The following SECISBP2 variants were observed in gnomAD, a reference collection of about 807,000 sequenced individuals.
SECISBP2 encodes the protein SECIS binding protein 2, also known as selenocysteine insertion sequence-binding protein 2.
In SECISBP2, 96 loss-of-function variants were observed where a neutral mutation model predicts 98.2. The observed-to-expected ratio is 0.98, with a 90% CI of 0.83 to 1.16. The LOEUF (loss-of-function observed/expected upper bound fraction) is 1.16, where lower values mean the gene tolerates loss of function less well. SECISBP2 is among the 50% of genes most tolerant of loss of function. The pLI, the probability that SECISBP2 is intolerant of heterozygous loss-of-function variation, is 0.00. For missense variants in SECISBP2, 1,046 were observed against 1,022.9 expected, an observed-to-expected ratio of 1.02 and a Z score of -0.31; for synonymous variants, 407 against 370.2, an observed-to-expected ratio of 1.10 and a Z score of -1.14.
intron 15 of SECISBP2, 98 bp downstream of exon 15, chr9:89,357,663 C>A: frequency 1.4e-6 from 2 of 1,436,352 alleles, no homozygotes; most frequent in Non-Finnish European, 2.0e-6. Context: ...GCCCCAGAAC[C>A]TCCAGTAGGC....
intron 1 of SECISBP2, chr9:89,319,081 T>A (rs899644144): frequency 1.0e-6 from 1 of 996,672 alleles, no homozygotes; most frequent in Admixed American, 5.4e-5. Flanking sequence ...AATCTCTTAC[T>A]ACGTCACTAA....
At chr9:89,337,379 A>G (rs1430937384) in intron 7 of SECISBP2, among the ~76,000 whole-genome samples, 2 of 152,226 alleles carry the variant, frequency 1.3e-5, no homozygotes, top group Non-Finnish European at 2.9e-5. Flanking sequence ...TACAGAAATG[A>G]TAAGTGTAAC....
At chr9:89,359,860 C>T (rs968457248), downstream of SECISBP2, among the ~76,000 whole-genome samples, 6 of 152,184 alleles carry the variant, frequency 3.9e-5, no homozygotes, top group African/African-American at 1.4e-4. Context: ...GATCCTGGCT[C>T]AATCCCAACC....
rs1490191339 is a variant in SECISBP2, at chr9:89,349,948, G to C, written c.1892+19G>C. The C allele has an allele frequency of 6.2e-7, 1 of 1,613,902 alleles. No homozygotes were observed. On this transcript the variant is annotated intron_variant, in intron 13 of 16. Coordinates refer to ENST00000375807, the MANE Select transcript of SECISBP2 (RefSeq NM_024077.5). ...TCAGGGAGTGAGTGAGCCCCTGCCT[G>C]CCAGGGACTAGGGGAAGATGGAAGT... is the stretch of plus-strand genomic sequence containing the variant.
intron 2 of SECISBP2, among the ~76,000 whole-genome samples, chr9:89,321,399 G>T (rs1055625798): frequency 2.0e-5 from 3 of 152,240 alleles, no homozygotes; most frequent in Non-Finnish European, 1.5e-5. Flanking sequence ...GGGTGTGGTG[G>T]CTCATGCCTG....
At position 89,318,541 on chromosome 9, in the gene SECISBP2, G is replaced by C; in HGVS notation, c.-36G>C. ...TCCGGCAAGCCGACGGCCCGCTGCTGGCCTCCGTGACGCGGCCTCCTCCGC... is the reference window on the plus strand; with the variant it reads ...TCCGGCAAGCCGACGGCCCGCTGCTCGCCTCCGTGACGCGGCCTCCTCCGC... On this transcript the variant is annotated 5_prime_UTR_variant, in exon 1 of 17. Transcript: ENST00000375807. 6.6e-7 allele frequency: 1 copy of C among 1,512,402 alleles called. No individual in the cohort carries two copies. Among genetic ancestry groups the C allele is most frequent in the Non-Finnish European group, 8.8e-7 (1 of 1,135,824 alleles). 93.7% of individuals were successfully genotyped at this position (1,512,402 alleles called of 1,614,324 possible). A position where few individuals can be genotyped will look rare whatever the true frequency, so the allele number is the denominator to read the frequency against.
intron 14 of SECISBP2, 70 bp downstream of exon 14, chr9:89,350,922 C>A: frequency 7.6e-7 from 1 of 1,310,208 alleles, no homozygotes; most frequent in Non-Finnish European, 1.1e-6. Context: ...TCGTGTTTGC[C>A]ACACACCTCA....
At chr9:89,349,672 G>T (rs1830966129) in intron 12 of SECISBP2, 104 bp from the exon 13 acceptor site, 1 of 1,180,494 alleles carries the variant, frequency 8.5e-7, no homozygotes, top group Non-Finnish European at 1.3e-6. Context: ...TGTGGTGGTT[G>T]TGTGCAGGGG....
At chr9:89,347,848 G>T (rs1035982679) in intron 11 of SECISBP2, among the ~76,000 whole-genome samples, 1 of 152,160 alleles carries the variant, frequency 6.6e-6, no homozygotes, top group African/African-American at 2.4e-5. Flanking sequence ...TGTCTTTAGA[G>T]CTCAGGGCTC....
chr9:89,353,966 C>T (rs752628310), intron 14 of SECISBP2, among the ~76,000 whole-genome samples: 6 of 152,180 alleles, frequency 3.9e-5, no homozygotes, highest in Non-Finnish European at 7.3e-5. Context: ...CAATGGCTTG[C>T]AGTCATCTTA....
At chr9:89,363,546 C>T (rs915143923), downstream of SECISBP2, 13 of 1,613,488 alleles carry the variant, frequency 8.1e-6, no homozygotes, top group Non-Finnish European at 1.1e-5. Context: ...CAAGCAGGGT[C>T]CCCAGGTCAA....
intron 12 of SECISBP2, among the ~76,000 whole-genome samples, chr9:89,349,195 A>G (rs534698504): frequency 1.3e-3 from 205 of 152,138 alleles, no homozygotes; most frequent in Middle Eastern, 3.4e-3. Flanking sequence ...TCATTCCTTC[A>G]TTTGGTGATC....
chr9:89,363,272 C>G (rs1833016629), downstream of SECISBP2, among the ~76,000 whole-genome samples: 1 of 152,178 alleles, frequency 6.6e-6, no homozygotes, highest in African/African-American at 2.4e-5. Flanking sequence ...GGATTTCCCC[C>G]CCCAGTGTTG....
intron 11 of SECISBP2, among the ~76,000 whole-genome samples, chr9:89,347,465 CT>C (rs1184563393): frequency 0.18 from 15,351 of 87,554 alleles, 486 homozygotes; most frequent in Admixed American, 0.29. Context: ...CCGGTGAATT[CT>C]TTTTTTTTTT....
At chr9:89,333,652 T>A (rs1828132218) in intron 6 of SECISBP2, among the ~76,000 whole-genome samples, 1 of 152,284 alleles carries the variant, frequency 6.6e-6, no homozygotes, top group East Asian at 1.9e-4. Context: ...TTTAACTCCA[T>A]AGACACCTGC....
intron 10 of SECISBP2, among the ~76,000 whole-genome samples, chr9:89,344,953 C>T (rs1830216304): frequency 6.6e-6 from 1 of 152,174 alleles, no homozygotes; most frequent in African/African-American, 2.4e-5. Flanking sequence ...TTTAGGTGTT[C>T]TTTATTCCTC....
chr9:89,332,694 T>A, intron 5 of SECISBP2: 1 of 574,958 alleles, frequency 1.7e-6, no homozygotes, highest in Non-Finnish European at 3.1e-6. Context: ...TACCAAGGAG[T>A]GCAGTGGCTA....
chr9:89,361,685 G>T (rs900091134), downstream of SECISBP2: 1 of 152,228 alleles, frequency 6.6e-6, no homozygotes, highest in Non-Finnish European at 1.5e-5. Context: ...GTGTCCTGTT[G>T]CAGAAGCTGA....
In SECISBP2 at chr9:89,328,840, TTTCTC is replaced by T. The variant is rs1220219239; in HGVS notation, c.760_764del (p.Leu254LysfsTer14). On this transcript the variant is annotated frameshift_variant, in exon 5 of 17. Transcript: ENST00000375807. LOFTEE classifies it high-confidence loss of function. ...CCTGTCCACTCTGTCTCTACCGACATTTCTCTTCTAAGAGAAGTAGTAAAACCAGC... is the reference window on the plus strand; with the variant it reads ...CCTGTCCACTCTGTCTCTACCGACATTTCTAAGAGAAGTAGTAAAACCAGC... 2 of 1,614,126 alleles carry T rather than the reference TTTCTC, an allele frequency of 1.2e-6. No individual in the cohort carries two copies. The highest frequency in any genetic ancestry group is 1.7e-6 in the Non-Finnish European group (2 of 1,180,046).
Sources: allele counts gnomAD v4.1 joint callset (sites outside exome capture counted in the v4.1 genomes callset), GRCh38; gene constraint gnomAD v4.1.1; transcripts MANE v1.5; gene names NCBI Gene and HGNC (gene_info 2026-07-23, HGNC 2026-07-21).